Variants in GRID2 observed in about 807,000 individuals in gnomAD.
GRID2 encodes the protein glutamate ionotropic receptor delta type subunit 2, also known as glutamate receptor ionotropic, delta-2.
Under a neutral mutation model 114.8 loss-of-function variants are expected in GRID2, and 33 were observed. The observed-to-expected ratio is 0.29, with a 90% CI of 0.22 to 0.38. The LOEUF (loss-of-function observed/expected upper bound fraction) is 0.38. GRID2 is among the 10% of genes least tolerant of loss of function. The pLI, the probability that GRID2 is intolerant of heterozygous loss-of-function variation, is 1.00. For missense variants in GRID2, 1,184 were observed against 1,257.7 expected (o/e 0.94, Z 0.89); for synonymous variants, 505 against 449.9 (o/e 1.12, Z -1.55).
intron 8 of GRID2, among the ~76,000 whole-genome samples, chr4:93,355,664 G>A (rs1373877546): frequency 6.6e-6 from 1 of 152,080 alleles, no homozygotes; most frequent in East Asian, 1.9e-4. Flanking sequence ...AAAAGAATGT[G>A]TGGCCACCTT....
chr4:93,238,700 G>A (rs72872727), intron 8 of GRID2, among the ~76,000 whole-genome samples: 1 of 151,426 alleles, frequency 6.6e-6, no homozygotes, highest in South Asian at 2.1e-4. Flanking sequence ...TTAGAATAAT[G>A]TAAAGGAAAA....
chr4:93,720,901 T>A (rs1235404786), intron 14 of GRID2, among the ~76,000 whole-genome samples: 2 of 152,154 alleles, frequency 1.3e-5, no homozygotes, highest in Non-Finnish European at 2.9e-5. Context: ...TTCGTTGTTG[T>A]TGTTGTTGCT....
chr4:92,362,593 C>G (rs767071476), intron 1 of GRID2, among the ~76,000 whole-genome samples: 77 of 151,918 alleles, frequency 5.1e-4, no homozygotes, highest in Non-Finnish European at 9.9e-4. Context: ...TGTTGTTGAA[C>G]AGCATTACAA....
intron 2 of GRID2, among the ~76,000 whole-genome samples, chr4:93,020,999 T>G (rs953692293): frequency 2.6e-5 from 4 of 151,306 alleles, no homozygotes; most frequent in African/African-American, 9.7e-5. Flanking sequence ...TGCCATTGCA[T>G]TCCAGCCTGG....
intron 1 of GRID2, among the ~76,000 whole-genome samples, chr4:92,378,738 A>G (rs1729473894): frequency 1.3e-5 from 2 of 152,054 alleles, no homozygotes; most frequent in Non-Finnish European, 2.9e-5. Flanking sequence ...ATTTAAATTT[A>G]CCATCAACAT....
chr4:92,523,697 G>C (rs1352371819), intron 1 of GRID2, among the ~76,000 whole-genome samples: 1 of 152,046 alleles, frequency 6.6e-6, no homozygotes, highest in Non-Finnish European at 1.5e-5. Context: ...CTTGGTGATA[G>C]TTGTGATAGC....
intron 14 of GRID2, among the ~76,000 whole-genome samples, chr4:93,737,165 A>G (rs895647355): frequency 6.6e-6 from 1 of 152,094 alleles, no homozygotes; most frequent in Non-Finnish European, 1.5e-5. Context: ...AAAGAGTGTT[A>G]GTTCCTTTCC....
intron 1 of GRID2, among the ~76,000 whole-genome samples, chr4:92,362,796 A>G (rs1728679349): frequency 6.6e-6 from 1 of 152,044 alleles, no homozygotes; most frequent in African/African-American, 2.4e-5. Context: ...GGTAATTATG[A>G]AGTGAGGAGT....
chr4:92,482,007 TATATATATATATATATATATATATATAA>T (rs1305605268), intron 1 of GRID2, among the ~76,000 whole-genome samples: 30 of 62,654 alleles, frequency 4.8e-4, no homozygotes, highest in African/African-American at 1.5e-3. Flanking sequence ...TATATATATA[TATATATATATATATATATATATATATAA>T]AATAACAATA....
intron 1 of GRID2, among the ~76,000 whole-genome samples, chr4:93,802,542 T>A (rs978492456): frequency 6.6e-6 from 1 of 151,980 alleles, no homozygotes; most frequent in Admixed American, 6.6e-5. Context: ...CCCAAGAAAA[T>A]AAATTTAGTA....
intron 2 of GRID2, among the ~76,000 whole-genome samples, chr4:92,711,974 A>C (rs2149310257): frequency 6.6e-6 from 1 of 152,324 alleles, no homozygotes; most frequent in East Asian, 1.9e-4. Context: ...CTTTATCTTA[A>C]GTTCAACTGA....
At chr4:93,208,899 G>C (rs561319040) in intron 5 of GRID2, among the ~76,000 whole-genome samples, 2 of 152,030 alleles carry the variant, frequency 1.3e-5, no homozygotes, top group South Asian at 4.1e-4. Context: ...TAAACGTTGG[G>C]ATAGAGGGAA....
intron 2 of GRID2, among the ~76,000 whole-genome samples, chr4:93,068,411 G>T (rs1246698646): frequency 6.6e-6 from 1 of 152,008 alleles, no homozygotes; most frequent in Non-Finnish European, 1.5e-5. Flanking sequence ...GAAATTTTCA[G>T]AATTATGGAA....
At chr4:92,905,445 T>A (rs1747874980) in intron 2 of GRID2, among the ~76,000 whole-genome samples, 1 of 152,070 alleles carries the variant, frequency 6.6e-6, no homozygotes, top group African/African-American at 2.4e-5. Flanking sequence ...ACTACATTGT[T>A]TAAAAATTTA....
At chr4:93,375,851 T>G (rs1257710180) in intron 8 of GRID2, among the ~76,000 whole-genome samples, 1 of 152,168 alleles carries the variant, frequency 6.6e-6, no homozygotes, top group Non-Finnish European at 1.5e-5. Flanking sequence ...CTAATTATAT[T>G]AGTTTGTAGA....
intron 2 of GRID2, among the ~76,000 whole-genome samples, chr4:92,620,793 G>C (rs1374148500): frequency 2.0e-5 from 3 of 151,134 alleles, no homozygotes; most frequent in Non-Finnish European, 4.4e-5. Context: ...GGACTGTTGT[G>C]GGGTGGGGGG....
chr4:92,713,488 T>TAC (rs1735371619), intron 2 of GRID2, among the ~76,000 whole-genome samples: 2 of 120,448 alleles, frequency 1.7e-5, no homozygotes, highest in Non-Finnish European at 3.6e-5. Context: ...TATATATATA[T>TAC]ATATATATAT....
chr4:93,289,431 C>G (rs1753508256), intron 8 of GRID2, among the ~76,000 whole-genome samples: 1 of 152,026 alleles, frequency 6.6e-6, no homozygotes, highest in Non-Finnish European at 1.5e-5. Flanking sequence ...AAATCCAGAC[C>G]TTATCGGGAT....
rs1733528016 is a variant in GRID2 at position 93,118,909 on chromosome 4, C to T, written c.735+7956C>T. ...TTTCTATACTTTATAAGTTAGCATG[C>T]AAAGTTATTGAAATATTCAAGAGAA... On this transcript the variant is annotated intron_variant, in intron 4 of 15. Transcript: ENST00000282020. 3.3e-5 allele frequency among the ~76,000 whole-genome samples: 5 copies of T among 152,206 alleles called. No individual in the cohort carries two copies. The South Asian group carries it at 1.0e-3, about 32-fold the overall frequency.
Sources: allele counts gnomAD v4.1 joint callset (sites outside exome capture counted in the v4.1 genomes callset), GRCh38; gene constraint gnomAD v4.1.1; transcripts MANE v1.5; gene names NCBI Gene and HGNC (gene_info 2026-07-23, HGNC 2026-07-21).